Variants in LRRFIP1 observed in about 807,000 individuals in gnomAD.
LRRFIP1 encodes the protein leucine-rich repeat flightless-interacting protein 1.
LRRFIP1 carries 62 observed loss-of-function variants against 104.4 expected under a neutral mutation model. The observed-to-expected ratio is 0.59, with a 90% CI of 0.48 to 0.73. The LOEUF (loss-of-function observed/expected upper bound fraction) is 0.73. Among genes scored for constraint, LRRFIP1 ranks in the 30% least tolerant of loss-of-function variants. The pLI, the probability that LRRFIP1 is intolerant of heterozygous loss-of-function variation, is 0.00. For missense variants in LRRFIP1, 796 were observed against 824.5 expected, an observed-to-expected ratio of 0.97 and a Z score of 0.42; for synonymous variants, 300 against 299.0, an observed-to-expected ratio of 1.00 and a Z score of -0.03.
rs2061422951 is a variant in LRRFIP1, at chr2:237,781,266, C to T, written c.*1734C>T. On this transcript the variant is annotated 3_prime_UTR_variant, in exon 24 of 24. Transcript: ENST00000308482. Reference sequence around the variant, plus strand: ...AGACACGGCCGGCAGCATGCTGACGCTTTTAGGTATTTTTCACTCATGCAA... The same window carrying T: ...AGACACGGCCGGCAGCATGCTGACGTTTTTAGGTATTTTTCACTCATGCAA... 6.6e-6 allele frequency among the ~76,000 whole-genome samples: 1 copy of T among 152,230 alleles called. No homozygotes were observed. The highest frequency in any genetic ancestry group is 6.5e-5 in the Admixed American group (1 of 15,284).
At position 237,743,042 on chromosome 2, in the gene LRRFIP1, A is replaced by AC. The variant is rs1559754161; in HGVS notation, c.633+3734dup. On this transcript the variant is annotated intron_variant, in intron 11 of 23. Coordinates refer to ENST00000308482, the MANE Select transcript of LRRFIP1 (RefSeq NM_001137550.2). ...ACCCCCCCAAAAAAACAAAAAAAAA[A>AC]CATATGGTTACTTTATTTCTCCTTG... 1.5e-4 allele frequency among the ~76,000 whole-genome samples: 23 copies of AC among 152,058 alleles called. No homozygotes were observed. In the South Asian group the frequency reaches 4.8e-3, roughly 32 times the overall value.
chr2:237,713,885 A>G (rs2094214514), intron 2 of LRRFIP1, among the ~76,000 whole-genome samples: 1 of 152,338 alleles, frequency 6.6e-6, no homozygotes, highest in African/African-American at 2.4e-5. Context: ...TAACTTTCCA[A>G]TTAAGTTTCT....
intron 19 of LRRFIP1, chr2:237,762,656 AG>A: frequency 6.2e-7 from 1 of 1,611,262 alleles, no homozygotes; most frequent in Admixed American, 1.7e-5. Flanking sequence ...TGTGGGGAAA[AG>A]AGAAATCTTG....
At chr2:237,775,346 T>A (rs938079598) in intron 23 of LRRFIP1, among the ~76,000 whole-genome samples, 1 of 152,144 alleles carries the variant, frequency 6.6e-6, no homozygotes, top group African/African-American at 2.4e-5. Context: ...ACTGCCTTTG[T>A]CAAGGAACAG....
At position 237,751,195 on chromosome 2, in the gene LRRFIP1, C is replaced by G. The variant is rs749776288; in HGVS notation, c.796-5C>G. 35 of 1,602,658 alleles carry G rather than the reference C, an allele frequency of 2.2e-5. No homozygotes were observed. In the South Asian group the frequency reaches 3.9e-4, roughly 18 times the overall value. ...ATCATCTGCCTTTTTTGCCATTTCC[C>G]CCAGGAACTCAATGAGTTAAAGGAC... On this transcript the variant is annotated splice_polypyrimidine_tract_variant and splice_region_variant and intron_variant, in intron 13 of 23. Coordinates refer to ENST00000308482, the MANE Select transcript of LRRFIP1 (RefSeq NM_001137550.2).
chr2:237,704,708 C>G (rs1215112388), intron 1 of LRRFIP1, among the ~76,000 whole-genome samples: 1 of 152,118 alleles, frequency 6.6e-6, no homozygotes, highest in African/African-American at 2.4e-5. Flanking sequence ...GGTAGATGTT[C>G]TAGAAGGCAG....
chr2:237,699,594 C>T (rs955487037), intron 1 of LRRFIP1, among the ~76,000 whole-genome samples: 3 of 152,244 alleles, frequency 2.0e-5, no homozygotes, highest in African/African-American at 2.4e-5. Flanking sequence ...TCAGATGATC[C>T]GCCTGCCTCG....
At position 237,779,674 on chromosome 2, in the gene LRRFIP1, C is replaced by A; in HGVS notation, c.*142C>A. ...GGCGAGCTTGGCGCTTAGGGGCTCC[C>A]GTGCCATGGCTCACCCCAGGGAGCC... On this transcript the variant is annotated 3_prime_UTR_variant, in exon 24 of 24. Coordinates refer to ENST00000308482, the MANE Select transcript of LRRFIP1 (RefSeq NM_001137550.2). The A allele has an allele frequency of 3.1e-6, 2 of 655,252 alleles. No individual in the cohort carries two copies. Among genetic ancestry groups the A allele is most frequent in the South Asian group, 1.8e-5 (1 of 54,284 alleles). 40.6% of individuals were successfully genotyped at this position (655,252 alleles called of 1,614,324 possible). A position where few individuals can be genotyped will look rare whatever the true frequency, so the allele number is the denominator to read the frequency against.
chr2:237,693,823 G>A (rs1172655906), intron 1 of LRRFIP1, among the ~76,000 whole-genome samples: 2 of 152,152 alleles, frequency 1.3e-5, no homozygotes, highest in African/African-American at 2.4e-5. Context: ...CTAATCAGAG[G>A]AGTAGGTAGA....
intron 1 of LRRFIP1, among the ~76,000 whole-genome samples, chr2:237,654,248 C>T (rs1387000951): frequency 2.0e-5 from 3 of 151,432 alleles, no homozygotes; most frequent in African/African-American, 4.9e-5. Flanking sequence ...CCAATAGATA[C>T]GTGAAAAAAA....
At chr2:237,702,161 C>A (rs2093571173) in intron 1 of LRRFIP1, among the ~76,000 whole-genome samples, 1 of 152,180 alleles carries the variant, frequency 6.6e-6, no homozygotes, top group Non-Finnish European at 1.5e-5. Flanking sequence ...ATTTTTAGAT[C>A]TCTTATCACC....
chr2:237,666,700 C>T (rs745634631), intron 1 of LRRFIP1, among the ~76,000 whole-genome samples: 71 of 152,068 alleles, frequency 4.7e-4, no homozygotes, highest in Non-Finnish European at 7.1e-4. Flanking sequence ...ATGTCCTTGA[C>T]GTCATAGAGT....
chr2:237,630,062 A>G (rs1278367495), intron 1 of LRRFIP1, among the ~76,000 whole-genome samples: 1 of 152,200 alleles, frequency 6.6e-6, no homozygotes, highest in Non-Finnish European at 1.5e-5. Flanking sequence ...AATGTAAAGT[A>G]TGTAACTAGG....
intron 23 of LRRFIP1, among the ~76,000 whole-genome samples, chr2:237,777,534 C>G (rs1191144989): frequency 1.3e-5 from 2 of 152,176 alleles, no homozygotes; most frequent in African/African-American, 4.8e-5. Flanking sequence ...CCACCATCTG[C>G]TGGCTTCCAT....
chr2:237,739,280 AGGGCCAGCTCGGCCC>A lies in LRRFIP1; in HGVS notation c.613_627del (p.Ser205_Ser209del), dbSNP rs1326157184. The A allele has an allele frequency of 1.3e-6, 2 of 1,564,124 alleles. No individual in the cohort carries two copies. The highest frequency in any genetic ancestry group is 1.7e-6 in the Non-Finnish European group (2 of 1,154,850). On this transcript the variant is annotated inframe_deletion, in exon 11 of 24. Transcript: ENST00000308482. ...CAACTCCAGCTCCCGCGCCTCCTCCAGGGCCAGCTCGGCCCGGGCCAGCCCTGTGGTAAGTCGGCC... is the reference window on the plus strand; with the variant it reads ...CAACTCCAGCTCCCGCGCCTCCTCCAGGGCCAGCCCTGTGGTAAGTCGGCC...
rs2060263769 is a variant in LRRFIP1 at position 237,766,562 on chromosome 2, A to G, written c.1460-3381A>G. On this transcript the variant is annotated intron_variant, in intron 19 of 23. Transcript: ENST00000308482. The surrounding 1 kb of genome is among the most constrained non-coding windows in gnomAD (Gnocchi z 4.8). Reference sequence around the variant, plus strand: ...CTGCAGGACGTTGGGCACACATCACATCCCTCAGCTCAGCCATCCAGCCGT... The same window carrying G: ...CTGCAGGACGTTGGGCACACATCACGTCCCTCAGCTCAGCCATCCAGCCGT... Among the ~76,000 whole-genome samples, 1 of 152,126 alleles carries G rather than the reference A, an allele frequency of 6.6e-6. No individual in the cohort carries two copies. The highest frequency in any genetic ancestry group is 2.4e-5 in the African/African-American group (1 of 41,422).
rs189121063 is a variant in LRRFIP1, at chr2:237,765,250, C to T, written c.1460-4693C>T. 4.5e-3 allele frequency: 697 copies of T among 155,334 alleles called. 7 individuals are homozygous for T. Among genetic ancestry groups the T allele is most frequent in the African/African-American group, 0.017 (668 of 39,062 alleles). The allele number at this position is 155,334 out of a possible 1,614,324, so 9.6% of individuals were successfully genotyped here. Reference sequence around the variant, plus strand: ...TGTACTCCAGCCTGGACAACAAGAGCGAAACTCTGTCTAAAAAAAAAAAAA... The same window carrying T: ...TGTACTCCAGCCTGGACAACAAGAGTGAAACTCTGTCTAAAAAAAAAAAAA... On this transcript the variant is annotated intron_variant, in intron 19 of 23. Coordinates refer to ENST00000308482, the MANE Select transcript of LRRFIP1 (RefSeq NM_001137550.2).
intron 1 of LRRFIP1, among the ~76,000 whole-genome samples, chr2:237,674,964 G>A (rs1559518617): frequency 6.6e-6 from 1 of 152,236 alleles, no homozygotes; most frequent in Non-Finnish European, 1.5e-5. Context: ...TGCCCCCAGA[G>A]AGAGCCTGGG....
intron 1 of LRRFIP1, among the ~76,000 whole-genome samples, chr2:237,642,930 G>A (rs1196718571): frequency 6.6e-6 from 1 of 152,224 alleles, no homozygotes; most frequent in African/African-American, 2.4e-5. Context: ...AGGAAGGGCT[G>A]CAGGGCCAAG....
Sources: allele counts gnomAD v4.1 joint callset (sites outside exome capture counted in the v4.1 genomes callset), GRCh38; gene constraint gnomAD v4.1.1; non-coding constraint Gnocchi (gnomAD v3.1); transcripts MANE v1.5; gene names NCBI Gene and HGNC (gene_info 2026-07-23, HGNC 2026-07-21).